SNRPD3: variants seen among roughly 807,000 people sequenced by gnomAD.
SNRPD3 encodes small nuclear ribonucleoprotein D3 polypeptide.
For missense variants in SNRPD3, 73 were observed against 167.5 expected (o/e 0.44, Z 3.11); for synonymous variants, 66 against 58.4 (o/e 1.13, Z -0.59).
intron 2 of SNRPD3, among the ~76,000 whole-genome samples, chr22:24,561,485 G>T (rs544543034): frequency 6.6e-6 from 1 of 152,246 alleles, no homozygotes; most frequent in African/African-American, 2.4e-5. Context: ...GGATGTAGAG[G>T]CCTCACTGGG....
At chr22:24,555,914 C>G (rs929916139), upstream of SNRPD3, 4 of 1,366,348 alleles carry the variant, frequency 2.9e-6, no homozygotes, top group Admixed American at 2.0e-5. Flanking sequence ...GAGGCGAGAC[C>G]GCGCTCAACA....
At chr22:24,564,695 C>G (rs149673090) in intron 2 of SNRPD3, among the ~76,000 whole-genome samples, 207 of 152,260 alleles carry the variant, frequency 1.4e-3, no homozygotes, top group African/African-American at 4.6e-3. Flanking sequence ...TAGATTAAGT[C>G]TTGTCGGACT....
chr22:24,573,137 G>A lies in SNRPD3; in HGVS notation c.*1160G>A, dbSNP rs1038519191. Reference sequence around the variant, plus strand: ...GAGGATCACTTGAGCCTGGGAGTATGAGGCTGCAGTGAGCTATGACCTTGC... The same window carrying A: ...GAGGATCACTTGAGCCTGGGAGTATAAGGCTGCAGTGAGCTATGACCTTGC... On this transcript the variant is annotated 3_prime_UTR_variant, in exon 4 of 4. Coordinates refer to ENST00000215829, the MANE Select transcript of SNRPD3 (RefSeq NM_004175.5). Among the ~76,000 whole-genome samples the A allele has an allele frequency of 5.3e-5, 8 of 152,152 alleles. No homozygotes were observed. Among genetic ancestry groups the A allele is most frequent in the Non-Finnish European group, 1.2e-4 (8 of 68,030 alleles).
intron 2 of SNRPD3, chr22:24,558,133 C>T (rs2045098420): frequency 5.7e-6 from 1 of 174,712 alleles, no homozygotes; most frequent in Non-Finnish European, 1.2e-5. Flanking sequence ...CATTTGCCTC[C>T]ACTTGCTTTG....
chr22:24,574,766 T>C lies in SNRPD3; in HGVS notation c.*2789T>C, dbSNP rs573177918. 6.6e-6 allele frequency among the ~76,000 whole-genome samples: 1 copy of C among 152,262 alleles called. No homozygotes were observed. The highest frequency in any genetic ancestry group is 6.5e-5 in the Admixed American group (1 of 15,292). ...CATGTTGCCCAAGCTGGTCTTGAAC[T>C]CCGGGGCTCAAGTGATCTGCCCGCC... is the stretch of plus-strand genomic sequence containing the variant. On this transcript the variant is annotated 3_prime_UTR_variant, in exon 4 of 4. Transcript: ENST00000215829.
At position 24,573,314 on chromosome 22, in the gene SNRPD3, G is replaced by A. The variant is rs1288013112; in HGVS notation, c.*1337G>A. Among the ~76,000 whole-genome samples, 1 of 152,106 alleles carries A rather than the reference G, an allele frequency of 6.6e-6. No individual in the cohort carries two copies. Among genetic ancestry groups the A allele is most frequent in the Non-Finnish European group, 1.5e-5 (1 of 68,020 alleles). ...GAAAAAATCAAATCACCAAAAAGAGGTCTTGCCAGGTATTCATTATGGTAT... is the reference window on the plus strand; with the variant it reads ...GAAAAAATCAAATCACCAAAAAGAGATCTTGCCAGGTATTCATTATGGTAT... On this transcript the variant is annotated 3_prime_UTR_variant, in exon 4 of 4. Coordinates refer to ENST00000215829, the MANE Select transcript of SNRPD3 (RefSeq NM_004175.5).
At chr22:24,567,105 T>C (rs923225704) in intron 2 of SNRPD3, among the ~76,000 whole-genome samples, 2 of 152,206 alleles carry the variant, frequency 1.3e-5, no homozygotes, top group Non-Finnish European at 2.9e-5. Context: ...GGCCTTGTGG[T>C]ACCACCTCCA....
At chr22:24,567,877 T>G (rs1007786484) in intron 2 of SNRPD3, 107 bp from the exon 3 acceptor site, 5 of 800,382 alleles carry the variant, frequency 6.2e-6, no homozygotes, top group Non-Finnish European at 1.0e-5. Flanking sequence ...ACCAGCTTTG[T>G]CACAATGTCA....
At chr22:24,569,473 CTG>C (rs1023893337) in intron 3 of SNRPD3, among the ~76,000 whole-genome samples, 2 of 152,206 alleles carry the variant, frequency 1.3e-5, no homozygotes, top group Admixed American at 6.5e-5. Flanking sequence ...AAAAGTCAAA[CTG>C]TGTTTTTCCT....
At chr22:24,565,878 C>T (rs2045192716) in intron 2 of SNRPD3, among the ~76,000 whole-genome samples, 1 of 152,098 alleles carries the variant, frequency 6.6e-6, no homozygotes, top group Non-Finnish European at 1.5e-5. Context: ...CCAGACTGGT[C>T]TCAGGTGATC....
intron 1 of SNRPD3, among the ~76,000 whole-genome samples, chr22:24,557,369 G>A (rs2147116074): frequency 6.6e-6 from 1 of 152,244 alleles, no homozygotes; most frequent in Middle Eastern, 3.4e-3. Flanking sequence ...AAGATTAAGG[G>A]ACATAGGGTA....
rs538213296 is a variant in SNRPD3, at chr22:24,572,718, G to A, written c.*741G>A. On this transcript the variant is annotated 3_prime_UTR_variant, in exon 4 of 4. Coordinates refer to ENST00000215829, the MANE Select transcript of SNRPD3 (RefSeq NM_004175.5). ...GGACATTGCAGTGAGCAGAGATCAT[G>A]CCACTGTACTCCAGCTTGGGTGACA... The A allele has an allele frequency of 9.6e-4, 147 of 153,756 alleles. No homozygotes were observed. The highest frequency in any genetic ancestry group is 1.9e-3 in the Admixed American group (30 of 15,442). The allele number at this position is 153,756 out of a possible 1,614,324, so 9.5% of individuals were successfully genotyped here. A position where few individuals can be genotyped will look rare whatever the true frequency, so the allele number is the denominator to read the frequency against.
At chr22:24,565,332 A>G (rs149187196) in intron 2 of SNRPD3, among the ~76,000 whole-genome samples, 101 of 152,258 alleles carry the variant, frequency 6.6e-4, no homozygotes, top group African/African-American at 2.2e-3. Flanking sequence ...TTCTGGGGAC[A>G]GATCTGCCTC....
intron 2 of SNRPD3, among the ~76,000 whole-genome samples, chr22:24,564,590 G>A (rs184325676): frequency 2.0e-5 from 3 of 152,352 alleles, no homozygotes; most frequent in South Asian, 2.1e-4. Flanking sequence ...GAAAGCGAGA[G>A]CAGTAGTGAG....
intron 1 of SNRPD3, 114 bp from the exon 2 acceptor site, chr22:24,557,543 T>G: frequency 5.8e-6 from 4 of 688,360 alleles, no homozygotes; most frequent in Non-Finnish European, 7.4e-6. Flanking sequence ...AAAATGCAGC[T>G]TTGGTGTTTT....
At chr22:24,556,502 C>T (rs548839761) in intron 1 of SNRPD3, among the ~76,000 whole-genome samples, 2 of 152,148 alleles carry the variant, frequency 1.3e-5, no homozygotes, top group South Asian at 4.2e-4. Context: ...TGAGCCACCG[C>T]GCCCAGCCGG....
intron 2 of SNRPD3, among the ~76,000 whole-genome samples, chr22:24,563,881 C>T (rs2045171167): frequency 6.6e-6 from 1 of 152,184 alleles, no homozygotes; most frequent in Non-Finnish European, 1.5e-5. Flanking sequence ...AAAAGAAGCT[C>T]TCACATGATT....
chr22:24,568,900 G>A (rs1055262032), intron 3 of SNRPD3, among the ~76,000 whole-genome samples: 1 of 152,104 alleles, frequency 6.6e-6, no homozygotes, highest in Non-Finnish European at 1.5e-5. Flanking sequence ...GTAGAGATGG[G>A]ATTTCACCAT....
rs187627206 is a variant in SNRPD3 at position 24,560,484 on chromosome 22, G to A, written c.126+2684G>A. On this transcript the variant is annotated intron_variant, in intron 2 of 3. Transcript: ENST00000215829. ...TTTTTTTTGAGAGTCTCACTCTGTCGCCCAGGCTGGAGTGCAGTGGCATGA... is the reference window on the plus strand; with the variant it reads ...TTTTTTTTGAGAGTCTCACTCTGTCACCCAGGCTGGAGTGCAGTGGCATGA... 8.5e-3 allele frequency among the ~76,000 whole-genome samples: 924 copies of A among 108,252 alleles called. 7 individuals carry two copies. Among genetic ancestry groups the A allele is most frequent in the South Asian group, 0.021 (60 of 2,884 alleles). The allele number at this position is 108,252 out of a possible 152,430, so 71.0% of individuals were successfully genotyped here.
Sources: gnomAD v4.1 joint callset for allele counts (sites outside exome capture counted in the v4.1 genomes callset) on GRCh38, gnomAD v4.1.1 for gene constraint, MANE v1.5 for transcripts, NCBI Gene and HGNC (gene_info 2026-07-23, HGNC 2026-07-21) for gene names.